SCAND3: variants seen among roughly 807,000 people sequenced by gnomAD.
The protein encoded by SCAND3 is SCAN domain-containing protein 3.
chr6:28,604,508 C>T, the SCAND3 span, among the ~76,000 whole-genome samples: 16 of 151,080 alleles, frequency 1.1e-4, no homozygotes, highest in Admixed American at 2.0e-4. Flanking sequence ...CCCAGCTATT[C>T]GGGAGGCTGA....
the SCAND3 span, among the ~76,000 whole-genome samples, chr6:28,578,563 T>C: frequency 1.3e-5 from 2 of 152,182 alleles, no homozygotes; most frequent in Admixed American, 6.5e-5. Flanking sequence ...TTTCTTTCCA[T>C]ACTGATCCAT....
chr6:28,598,535 A>C, the SCAND3 span, among the ~76,000 whole-genome samples: 1 of 152,126 alleles, frequency 6.6e-6, no homozygotes, highest in South Asian at 2.1e-4. Context: ...AGAGGACTAA[A>C]GATTTGTTTA....
chr6:28,595,195 CAAAAAAAAAAA>C, the SCAND3 span, among the ~76,000 whole-genome samples: 4 of 16,104 alleles, frequency 2.5e-4, no homozygotes, highest in African/African-American at 7.4e-4. Context: ...CCGTCACTAC[CAAAAAAAAAAA>C]AAAAAAAAAA....
At chr6:28,605,373 G>A in the SCAND3 span, among the ~76,000 whole-genome samples, 4 of 152,144 alleles carry the variant, frequency 2.6e-5, no homozygotes, top group Admixed American at 2.6e-4. Flanking sequence ...GTACTATCCA[G>A]AGACTTTGTT....
the SCAND3 span, chr6:28,573,567 T>C: frequency 6.2e-7 from 1 of 1,613,350 alleles, no homozygotes; most frequent in Non-Finnish European, 8.5e-7. Context: ...GCTTAAGTTT[T>C]GATGGTTTCA....
the SCAND3 span, chr6:28,591,782 C>T: frequency 6.6e-6 from 1 of 152,094 alleles, no homozygotes; most frequent in Non-Finnish European, 1.5e-5. Context: ...TTGACAGTTT[C>T]ATCAAAGATG....
chr6:28,606,904 C>T, the SCAND3 span, among the ~76,000 whole-genome samples: 6 of 152,298 alleles, frequency 3.9e-5, no homozygotes, highest in South Asian at 1.0e-3. Flanking sequence ...CTTTGGCCTC[C>T]TGGGGCCTTA....
the SCAND3 span, among the ~76,000 whole-genome samples, chr6:28,574,471 T>G: frequency 6.6e-6 from 1 of 152,188 alleles, no homozygotes; most frequent in Non-Finnish European, 1.5e-5. Flanking sequence ...CTACAAATAC[T>G]TCTTCACTTG....
chr6:28,587,064 G>A, the SCAND3 span: 1 of 249,800 alleles, frequency 4.0e-6, no homozygotes, highest in Non-Finnish European at 7.6e-6. Flanking sequence ...TAAAGCCTGG[G>A]TGTATGAGCC....
At chr6:28,583,696 TTATC>T in the SCAND3 span, among the ~76,000 whole-genome samples, 1 of 152,236 alleles carries the variant, frequency 6.6e-6, no homozygotes, top group Admixed American at 6.5e-5. Flanking sequence ...ATTGTAGTCA[TTATC>T]TTTTATCTAC....
At chr6:28,573,155 T>A in the SCAND3 span, 2 of 1,613,134 alleles carry the variant, frequency 1.2e-6, no homozygotes, top group African/African-American at 2.7e-5. Flanking sequence ...AGAATTATCA[T>A]GTTAGCAATA....
the SCAND3 span, among the ~76,000 whole-genome samples, chr6:28,578,654 A>C: frequency 1.3e-5 from 2 of 152,216 alleles, no homozygotes; most frequent in African/African-American, 4.8e-5. Flanking sequence ...GGGCAATGTC[A>C]AGAGAACCAG....
chr6:28,573,827 T>C, the SCAND3 span: 22 of 1,519,638 alleles, frequency 1.4e-5, no homozygotes, highest in Middle Eastern at 1.7e-4. Flanking sequence ...TGTTTCGCCA[T>C]CTGAAATTAG....
the SCAND3 span, among the ~76,000 whole-genome samples, chr6:28,608,521 C>A: frequency 6.6e-6 from 1 of 152,258 alleles, no homozygotes; most frequent in African/African-American, 2.4e-5. Flanking sequence ...AAGTATCCCA[C>A]GACACCTACA....
the SCAND3 span, among the ~76,000 whole-genome samples, chr6:28,588,277 A>C: frequency 0.051 from 7,740 of 152,154 alleles, 336 homozygotes; most frequent in African/African-American, 0.12. This position sits in a 1 kb window ranked among gnomAD's most constrained non-coding sequence, Gnocchi z 4.1. Context: ...TTCCCCCCCT[A>C]ACTATCCTTT....
chr6:28,577,219 T>A, the SCAND3 span, among the ~76,000 whole-genome samples: 27 of 152,126 alleles, frequency 1.8e-4, no homozygotes, highest in Non-Finnish European at 3.5e-4. Flanking sequence ...ACACTAAGAA[T>A]ACTTCAAATT....
the SCAND3 span, chr6:28,597,710 C>A: frequency 6.6e-6 from 1 of 152,300 alleles, no homozygotes; most frequent in Non-Finnish European, 1.5e-5. Flanking sequence ...GGATTTGAAC[C>A]CTGGTTTGCT....
At chr6:28,590,686 A>G in the SCAND3 span, 1 of 152,248 alleles carries the variant, frequency 6.6e-6, no homozygotes, top group African/African-American at 2.4e-5. Context: ...ATTTTCGCAT[A>G]CATACCAAAA....
chr6:28,595,228 T>C, the SCAND3 span, among the ~76,000 whole-genome samples: 7 of 98,762 alleles, frequency 7.1e-5, no homozygotes, highest in East Asian at 3.4e-4. Context: ...AAAAAAGCAG[T>C]CCCAGCCACT....
Sources: allele counts gnomAD v4.1 joint callset (sites outside exome capture counted in the v4.1 genomes callset), GRCh38; gene constraint gnomAD v4.1.1; non-coding constraint Gnocchi (gnomAD v3.1); transcripts MANE v1.5; gene names NCBI Gene and HGNC (gene_info 2026-07-23, HGNC 2026-07-21).